Variants in TNS3 observed in about 807,000 individuals in gnomAD.
TNS3 encodes tensin 3.
In TNS3, 45 loss-of-function variants were observed where a neutral mutation model predicts 140.9. The observed-to-expected ratio is 0.32, with a 90% confidence interval of 0.25 to 0.41. The LOEUF is 0.41. Among genes scored for constraint, TNS3 ranks in the 10% least tolerant of loss-of-function variants. The pLI, the probability that TNS3 is intolerant of heterozygous loss-of-function variation, is 1.00. For synonymous variants in TNS3, 815 were observed against 788.4 expected (o/e 1.03, Z -0.56); for missense variants, 1,716 against 1,906.7 (o/e 0.90, Z 1.86).
At chr7:47,366,550 C>T (rs186803486) in intron 17 of TNS3, among the ~76,000 whole-genome samples, 22 of 152,328 alleles carry the variant, frequency 1.4e-4, no homozygotes, top group African/African-American at 5.3e-4. Context: ...ACTCAGGCAA[C>T]CCACAGCACA....
intron 5 of TNS3, among the ~76,000 whole-genome samples, chr7:47,441,455 T>C (rs1213089834): frequency 6.6e-6 from 1 of 152,192 alleles, no homozygotes; most frequent in Non-Finnish European, 1.5e-5. Context: ...GGATTACAAG[T>C]GTGAGCCACT....
At chr7:47,365,506 G>GTA (rs1291260949) in intron 17 of TNS3, among the ~76,000 whole-genome samples, 1 of 151,896 alleles carries the variant, frequency 6.6e-6, no homozygotes, top group African/African-American at 2.4e-5. Flanking sequence ...GCTCATGCCT[G>GTA]TAATCCCAGC....
intron 20 of TNS3, among the ~76,000 whole-genome samples, chr7:47,321,930 C>G (rs1007498903): frequency 2.0e-5 from 3 of 152,150 alleles, no homozygotes; most frequent in Non-Finnish European, 4.4e-5. Context: ...ACTGCTGAAG[C>G]TTCCCTCCTG....
At chr7:47,311,319 G>A (rs1787078051) in intron 20 of TNS3, among the ~76,000 whole-genome samples, 1 of 152,128 alleles carries the variant, frequency 6.6e-6, no homozygotes, top group Non-Finnish European at 1.5e-5. Context: ...ACGAGTTAAT[G>A]GGTGCAGCAC....
chr7:47,488,986 GACTTTATTA>G (rs1405566634), intron 3 of TNS3, among the ~76,000 whole-genome samples: 3 of 152,224 alleles, frequency 2.0e-5, no homozygotes, highest in African/African-American at 7.2e-5. Context: ...GGACATTCGA[GACTTTATTA>G]ACTTTCTCTG....
intron 3 of TNS3, among the ~76,000 whole-genome samples, chr7:47,491,028 T>C (rs1309911370): frequency 6.6e-6 from 1 of 151,854 alleles, no homozygotes; most frequent in Non-Finnish European, 1.5e-5. Flanking sequence ...CTGTCACAGA[T>C]GAGGAGATTT....
intron 20 of TNS3, among the ~76,000 whole-genome samples, chr7:47,336,022 C>T (rs1788611672): frequency 6.6e-6 from 1 of 152,142 alleles, no homozygotes; most frequent in Admixed American, 6.5e-5. Flanking sequence ...TTTCCAACAG[C>T]TGAGTGTTGT....
chr7:47,516,101 G>A (rs1226775691), intron 2 of TNS3, among the ~76,000 whole-genome samples: 1 of 152,222 alleles, frequency 6.6e-6, no homozygotes, highest in African/African-American at 2.4e-5. Context: ...CAGGTAGCAT[G>A]TACACAAAGG....
intron 13 of TNS3, among the ~76,000 whole-genome samples, chr7:47,405,838 G>C (rs1793416364): frequency 6.6e-6 from 1 of 152,178 alleles, no homozygotes; most frequent in South Asian, 2.1e-4. Context: ...AACTTCTTGA[G>C]CAGGCAACAC....
chr7:47,452,596 G>C (rs1194325431), intron 4 of TNS3, among the ~76,000 whole-genome samples: 1 of 152,212 alleles, frequency 6.6e-6, no homozygotes, highest in Non-Finnish European at 1.5e-5. Flanking sequence ...GAACCATATG[G>C]AAGGAGGCAG....
chr7:47,319,359 T>C (rs987137258), intron 20 of TNS3, among the ~76,000 whole-genome samples: 9 of 151,496 alleles, frequency 5.9e-5, no homozygotes, highest in African/African-American at 2.2e-4. Flanking sequence ...GAAGCTGGCA[T>C]CACATGGTGA....
chr7:47,285,969 C>A (rs760031673), intron 27 of TNS3, among the ~76,000 whole-genome samples: 6 of 152,116 alleles, frequency 3.9e-5, no homozygotes, highest in Non-Finnish European at 8.8e-5. Context: ...ATGATTAGAA[C>A]GGGAAAATGA....
chr7:47,329,488 C>A (rs1788211559), intron 20 of TNS3, among the ~76,000 whole-genome samples: 1 of 152,172 alleles, frequency 6.6e-6, no homozygotes, highest in Non-Finnish European at 1.5e-5. Context: ...CAGGTCAATG[C>A]CCTACCCCAA....
At chr7:47,510,642 G>A (rs999958164) in intron 2 of TNS3, among the ~76,000 whole-genome samples, 2 of 152,138 alleles carry the variant, frequency 1.3e-5, no homozygotes, top group Non-Finnish European at 2.9e-5. Flanking sequence ...GGGAGGCTGA[G>A]GCGGGCAGAT....
In TNS3 at chr7:47,368,312, A is replaced by T. The variant is rs6463415; in HGVS notation, c.2281+53T>A. ...CTAGGCTGATTTCTCATCACACATT[A>T]GCCTCCCGTGGAGCACCTCCCGTGG... On this transcript the variant is annotated intron_variant, in intron 17 of 30. Coordinates refer to ENST00000311160, the MANE Select transcript of TNS3 (RefSeq NM_022748.12). 9,433 of 1,417,826 alleles carry T rather than the reference A, an allele frequency of 6.7e-3. 462 individuals carry two copies. In the African/African-American group the frequency reaches 0.11, roughly 17 times the overall value. 87.8% of individuals were successfully genotyped at this position (1,417,826 alleles called of 1,614,324 possible). A position where few individuals can be genotyped will look rare whatever the true frequency, so the allele number is the denominator to read the frequency against.
At chr7:47,347,768 G>A (rs1179140799) in intron 17 of TNS3, among the ~76,000 whole-genome samples, 1 of 152,178 alleles carries the variant, frequency 6.6e-6, no homozygotes, top group Non-Finnish European at 1.5e-5. Context: ...GAAAGAAGGA[G>A]GAAGAAGTGT....
chr7:47,400,035 CA>C (rs1199440846), intron 15 of TNS3, among the ~76,000 whole-genome samples: 1 of 150,902 alleles, frequency 6.6e-6, no homozygotes, highest in African/African-American at 2.4e-5. Flanking sequence ...AGACATTTTT[CA>C]AAAGATATAC....
chr7:47,486,319 G>A (rs1797614526), intron 3 of TNS3, among the ~76,000 whole-genome samples: 1 of 151,868 alleles, frequency 6.6e-6, no homozygotes, highest in South Asian at 2.1e-4. Flanking sequence ...GTCTGTGTGT[G>A]TTTCTATGTA....
At chr7:47,278,989 C>T (rs1335410480) in intron 30 of TNS3, 1 of 152,164 alleles carries the variant, frequency 6.6e-6, no homozygotes, top group Non-Finnish European at 1.5e-5. Context: ...GTCAATGACA[C>T]TCAGGTAACC....
Sources: gnomAD v4.1 joint callset for allele counts (sites outside exome capture counted in the v4.1 genomes callset) on GRCh38, gnomAD v4.1.1 for gene constraint, MANE v1.5 for transcripts, NCBI Gene and HGNC (gene_info 2026-07-23, HGNC 2026-07-21) for gene names.